LHX8: variants seen among roughly 807,000 people sequenced by gnomAD.
LHX8 encodes the protein LIM/homeobox protein Lhx8.
In LHX8, 12 loss-of-function variants were observed where a neutral mutation model predicts 40.3. The observed-to-expected ratio is 0.30, with a 90% CI of 0.19 to 0.48. LHX8 has a LOEUF of 0.48. LHX8 is among the 20% of genes least tolerant of loss of function. LHX8 has a pLI of 0.99. For missense variants in LHX8, 344 were observed against 433.7 expected, an observed-to-expected ratio of 0.79 and a Z score of 1.84; for synonymous variants, 179 against 162.0, an observed-to-expected ratio of 1.10 and a Z score of -0.80.
chr1:75,161,970 A>C (rs1034679512), downstream of LHX8, among the ~76,000 whole-genome samples: 2 of 152,086 alleles, frequency 1.3e-5, no homozygotes, highest in Non-Finnish European at 2.9e-5. Context: ...TGGACTTACA[A>C]ATTTTTGAAT....
chr1:75,130,787 T>C, upstream of LHX8: 6 of 1,540,766 alleles, frequency 3.9e-6, no homozygotes, highest in Non-Finnish European at 5.4e-6. Flanking sequence ...TTTTCCAGAC[T>C]AATATTTATA....
chr1:75,155,365 GC>G (rs1648730283), intron 7 of LHX8, among the ~76,000 whole-genome samples: 1 of 150,486 alleles, frequency 6.6e-6, no homozygotes, highest in African/African-American at 2.4e-5. Flanking sequence ...CTCCCAAGTA[GC>G]TGGGACTACA....
At chr1:75,178,972 G>A in the LHX8 span, among the ~76,000 whole-genome samples, 4 of 152,186 alleles carry the variant, frequency 2.6e-5, no homozygotes, top group Non-Finnish European at 5.9e-5. Flanking sequence ...TTTCCATGTA[G>A]TTGTGTGGTT....
the LHX8 span, among the ~76,000 whole-genome samples, chr1:75,194,958 C>T: frequency 6.6e-6 from 1 of 152,160 alleles, no homozygotes; most frequent in African/African-American, 2.4e-5. Context: ...GGTTCATTCT[C>T]TCATGTTTTG....
the LHX8 span, among the ~76,000 whole-genome samples, chr1:75,191,904 G>A: frequency 1.3e-5 from 2 of 152,150 alleles, no homozygotes; most frequent in African/African-American, 2.4e-5. Context: ...AACAGTCTGT[G>A]CACAGTTAGA....
chr1:75,156,986 C>A lies in LHX8; in HGVS notation c.874C>A (p.Leu292Met), dbSNP rs755312408. Residue 292 changes from leucine (L) to methionine (M), a missense_variant, in exon 8 of 9, where the codon CTG (leucine) becomes ATG (methionine). Transcript: ENST00000356261. ...AGTCACAGCAGTCCCACCCTCCAGG[C>A]TGTCTCCACCCATGTTAGAAGAAAT... Reference protein sequence around the residue: ...TPVTAVPPSRLSPPMLEEMAY... With the variant: ...TPVTAVPPSRMSPPMLEEMAY... The A allele has an allele frequency of 6.2e-7, 1 of 1,614,192 alleles. No individual in the cohort carries two copies.
At chr1:75,156,652 T>C (rs1414172271) in intron 7 of LHX8, among the ~76,000 whole-genome samples, 2 of 152,192 alleles carry the variant, frequency 1.3e-5, no homozygotes, top group Non-Finnish European at 2.9e-5. Context: ...CCTACTTAAA[T>C]AGAATTGGCT....
the LHX8 span, among the ~76,000 whole-genome samples, chr1:75,188,145 A>G: frequency 6.6e-6 from 1 of 152,042 alleles, no homozygotes; most frequent in South Asian, 2.1e-4. Context: ...CATCCCTTTC[A>G]TTTTAAATTA....
chr1:75,153,384 G>A (rs1648664939), intron 7 of LHX8, among the ~76,000 whole-genome samples: 1 of 151,640 alleles, frequency 6.6e-6, no homozygotes, highest in Admixed American at 6.6e-5. Flanking sequence ...GATTACAGGA[G>A]TGAGCCATCA....
At chr1:75,193,099 A>G in the LHX8 span, among the ~76,000 whole-genome samples, 6 of 152,154 alleles carry the variant, frequency 3.9e-5, no homozygotes, top group Non-Finnish European at 8.8e-5. Context: ...TTGGACATCT[A>G]TATCTGGATA....
chr1:75,186,822 A>G, the LHX8 span, among the ~76,000 whole-genome samples: 1 of 152,170 alleles, frequency 6.6e-6, no homozygotes, highest in Admixed American at 6.5e-5. Context: ...CCAGACAACT[A>G]TTTAACAGAT....
chr1:75,145,208 A>C (rs1481140992), intron 6 of LHX8, among the ~76,000 whole-genome samples: 1 of 152,162 alleles, frequency 6.6e-6, no homozygotes, highest in Non-Finnish European at 1.5e-5. Flanking sequence ...TCATTGGATT[A>C]TTATGAAGAT....
At chr1:75,143,420 A>T (rs1648373939) in intron 5 of LHX8, 82 bp downstream of exon 5, 1 of 976,868 alleles carries the variant, frequency 1.0e-6, no homozygotes, top group Non-Finnish European at 1.5e-6. Flanking sequence ...GGTCATCTTA[A>T]TGCATTATTT....
chr1:75,150,677 A>C (rs1027301376), intron 7 of LHX8, among the ~76,000 whole-genome samples: 13 of 146,944 alleles, frequency 8.8e-5, no homozygotes, highest in African/African-American at 2.2e-4. Flanking sequence ...AAATAATTTT[A>C]TTTCTTTTTT....
the LHX8 span, among the ~76,000 whole-genome samples, chr1:75,180,156 CAAT>C: frequency 6.6e-6 from 1 of 152,102 alleles, no homozygotes; most frequent in African/African-American, 2.4e-5. Flanking sequence ...GTGAATCTGA[CAAT>C]AATGTGTCTT....
chr1:75,193,843 G>A, the LHX8 span, among the ~76,000 whole-genome samples: 1 of 152,090 alleles, frequency 6.6e-6, no homozygotes, highest in African/African-American at 2.4e-5. Flanking sequence ...AACTCCTGAA[G>A]ACCTGACACA....
At chr1:75,130,549 G>T, upstream of LHX8, 1 of 737,496 alleles carries the variant, frequency 1.4e-6, no homozygotes, top group East Asian at 2.5e-5. Context: ...GAGACCAGTG[G>T]GTCCCAGACG....
intron 6 of LHX8, among the ~76,000 whole-genome samples, chr1:75,145,762 G>A (rs529633167): frequency 6.6e-6 from 1 of 152,104 alleles, no homozygotes; most frequent in Non-Finnish European, 1.5e-5. Flanking sequence ...TAAAACAAAA[G>A]AGTGAGATTT....
chr1:75,142,485 A>T (rs142103323), intron 4 of LHX8, among the ~76,000 whole-genome samples: 68 of 152,336 alleles, frequency 4.5e-4, no homozygotes, highest in African/African-American at 1.6e-3. Context: ...CTGAAAATTT[A>T]GAAAATATTT....
Sources: allele counts gnomAD v4.1 joint callset (sites outside exome capture counted in the v4.1 genomes callset), GRCh38; gene constraint gnomAD v4.1.1; transcripts MANE v1.5; gene names NCBI Gene and HGNC (gene_info 2026-07-23, HGNC 2026-07-21).